TSHZ2: variants seen among roughly 807,000 people sequenced by gnomAD.
The protein encoded by TSHZ2 is teashirt homolog 2.
In TSHZ2, 21 loss-of-function variants were observed where a neutral mutation model predicts 74.4. The ratio of observed to expected loss-of-function variants is 0.28; its 90% CI spans 0.20 to 0.41. TSHZ2 has a LOEUF of 0.41. Ranked by LOEUF, TSHZ2 falls within the 10% of genes least tolerant of loss-of-function variation. The pLI, the probability that TSHZ2 is intolerant of heterozygous loss-of-function variation, is 1.00. For synonymous variants in TSHZ2, 540 were observed against 515.3 expected, an observed-to-expected ratio of 1.05 and a Z score of -0.65; for missense variants, 1,244 against 1,293.5, an observed-to-expected ratio of 0.96 and a Z score of 0.59.
intron 1 of TSHZ2, among the ~76,000 whole-genome samples, chr20:53,234,509 T>TACAA (rs1296137161): frequency 6.6e-6 from 1 of 152,114 alleles, no homozygotes; most frequent in Non-Finnish European, 1.5e-5. Context: ...AGCTACAAGT[T>TACAA]GGTAAGTATG....
In TSHZ2 at chr20:53,254,454, C is replaced by T. The variant is rs752429546; in HGVS notation, c.996C>T (p.Ser332=). Residue 332 remains serine (S), a synonymous_variant, in exon 2 of 3, where the codon TCC becomes TCT. Transcript: ENST00000371497. ...KRVFDVNRPC[S]PDSTTGSFAD... Reference sequence around the variant, plus strand: ...TTTTTGATGTCAATCGGCCGTGTTCCCCCGATTCAACCACAGGATCTTTTG... The same window carrying T: ...TTTTTGATGTCAATCGGCCGTGTTCTCCCGATTCAACCACAGGATCTTTTG... 3 of 1,613,918 alleles carry T rather than the reference C, an allele frequency of 1.9e-6. No homozygotes were observed. The South Asian group carries it at 3.3e-5, about 18-fold the overall frequency.
intron 1 of TSHZ2, among the ~76,000 whole-genome samples, chr20:53,221,122 A>G (rs1352175170): frequency 1.3e-5 from 2 of 152,156 alleles, no homozygotes; most frequent in African/African-American, 4.8e-5. Context: ...ACGGTTTTAT[A>G]TGGGGAAACC....
At chr20:53,182,690 T>TA (rs898273528) in intron 1 of TSHZ2, among the ~76,000 whole-genome samples, 6 of 152,218 alleles carry the variant, frequency 3.9e-5, no homozygotes, top group South Asian at 4.2e-4. Flanking sequence ...GTGCTCAGAG[T>TA]AAAAAACAAC....
chr20:53,079,271 G>A (rs1455217630), intron 1 of TSHZ2, among the ~76,000 whole-genome samples: 1 of 152,136 alleles, frequency 6.6e-6, no homozygotes, highest in Non-Finnish European at 1.5e-5. Context: ...GGTGAACTTA[G>A]TAAAAGCATT....
intron 1 of TSHZ2, among the ~76,000 whole-genome samples, chr20:53,183,860 G>A (rs142101276): frequency 1.6e-3 from 246 of 152,344 alleles, no homozygotes; most frequent in African/African-American, 5.4e-3. Context: ...AAAGGTGTGA[G>A]AGCAAGGCTG....
chr20:53,238,697 TGGGGTACCATGAAATTAAACTCCCAGA>T (rs2123688803), intron 1 of TSHZ2, among the ~76,000 whole-genome samples: 1 of 152,138 alleles, frequency 6.6e-6, no homozygotes, highest in South Asian at 2.1e-4. Flanking sequence ...CCAGATGCAC[TGGGGTACCATGAAATTAAACTCCCAGA>T]GGGCCAGAAT....
chr20:53,050,113 A>ATATACACATACATATATATATGTG (rs1984382917), intron 1 of TSHZ2, among the ~76,000 whole-genome samples: 1 of 97,998 alleles, frequency 1.0e-5, no homozygotes, highest in Non-Finnish European at 1.8e-5. Flanking sequence ...GTATATATAT[A>ATATACACATACATATATATATGTG]TATATATATA....
At position 53,064,825 on chromosome 20, in the gene TSHZ2, T is replaced by C. The variant is rs189454283; in HGVS notation, c.40+91492T>C. Among the ~76,000 whole-genome samples, 242 of 152,242 alleles carry C rather than the reference T, an allele frequency of 1.6e-3. 1 individual carries two copies. Among genetic ancestry groups the C allele is most frequent in the African/African-American group, 5.2e-3 (218 of 41,548 alleles). On this transcript the variant is annotated intron_variant, in intron 1 of 2. Coordinates refer to ENST00000371497, the MANE Select transcript of TSHZ2 (RefSeq NM_173485.6). ...GGATATCTGGACTTTTGACTCATCC[T>C]GCCTTTAAGATATGATACTATCAAA...
At chr20:53,006,327 C>A (rs1024612095) in intron 1 of TSHZ2, among the ~76,000 whole-genome samples, 4 of 152,166 alleles carry the variant, frequency 2.6e-5, no homozygotes, top group African/African-American at 9.7e-5. Context: ...AGTATTCATG[C>A]CTGAAAAGAG....
chr20:53,196,586 CT>C (rs1988876149), intron 1 of TSHZ2: 1 of 152,188 alleles, frequency 6.6e-6, no homozygotes, highest in Non-Finnish European at 1.5e-5. Context: ...CTCTTTCTGT[CT>C]GAACCTAGCC....
At chr20:53,268,123 G>A (rs1330892083) in intron 2 of TSHZ2, among the ~76,000 whole-genome samples, 2 of 152,170 alleles carry the variant, frequency 1.3e-5, no homozygotes, top group African/African-American at 4.8e-5. Context: ...GATTTGAACT[G>A]AAGAATTGCA....
intron 2 of TSHZ2, among the ~76,000 whole-genome samples, chr20:53,342,920 T>TAAG (rs1980267489): frequency 6.7e-6 from 1 of 148,942 alleles, no homozygotes; most frequent in Non-Finnish European, 1.5e-5. Flanking sequence ...GGATGAGGCC[T>TAAG]AAGAACCCGT....
intron 1 of TSHZ2, 116 bp downstream of exon 1, chr20:52,973,449 CG>C (rs1038641171): frequency 1.5e-6 from 2 of 1,347,392 alleles, no homozygotes; most frequent in African/African-American, 2.9e-5. Context: ...GAGTTTGCGC[CG>C]GGTGCCCTTC....
At chr20:53,172,703 T>C (rs1740186443) in intron 1 of TSHZ2, among the ~76,000 whole-genome samples, 1 of 152,204 alleles carries the variant, frequency 6.6e-6, no homozygotes, top group African/African-American at 2.4e-5. Flanking sequence ...GAGAGGAAAC[T>C]GAGGCACAGA....
At chr20:53,238,184 G>A (rs561989760) in intron 1 of TSHZ2, among the ~76,000 whole-genome samples, 27 of 152,266 alleles carry the variant, frequency 1.8e-4, no homozygotes, top group East Asian at 1.9e-4. Flanking sequence ...AAACCATTCC[G>A]TTTGGGTTAG....
intron 1 of TSHZ2, among the ~76,000 whole-genome samples, chr20:53,093,721 C>T (rs1800387339): frequency 1.3e-5 from 2 of 152,204 alleles, no homozygotes; most frequent in South Asian, 2.1e-4. Flanking sequence ...CATCAAGAAC[C>T]GTGCCTGTCT....
chr20:53,436,539 A>ATTTTTTTTTTTTTTT (rs1368192791), intron 2 of TSHZ2, among the ~76,000 whole-genome samples: 1 of 90,036 alleles, frequency 1.1e-5, no homozygotes, highest in Admixed American at 1.3e-4. Flanking sequence ...TATTATTATT[A>ATTTTTTTTTTTTTTT]TTATTATTAT....
chr20:53,150,196 C>A (rs1396932591), intron 1 of TSHZ2, among the ~76,000 whole-genome samples: 4 of 152,182 alleles, frequency 2.6e-5, no homozygotes, highest in Non-Finnish European at 4.4e-5. Context: ...CTTGGCAAAG[C>A]TGGGATTCAA....
intron 1 of TSHZ2, among the ~76,000 whole-genome samples, chr20:53,017,332 G>A (rs1044277266): frequency 6.6e-6 from 1 of 152,100 alleles, no homozygotes; most frequent in Non-Finnish European, 1.5e-5. Flanking sequence ...GCTACAAGTC[G>A]TACTGAAATA....
Sources: gnomAD v4.1 joint callset for allele counts (sites outside exome capture counted in the v4.1 genomes callset) on GRCh38, gnomAD v4.1.1 for gene constraint, MANE v1.5 for transcripts, NCBI Gene and HGNC (gene_info 2026-07-23, HGNC 2026-07-21) for gene names.